Variants in NBEA observed in about 807,000 individuals in gnomAD.
NBEA encodes neurobeachin.
In NBEA, 44 loss-of-function variants were observed where a neutral mutation model predicts 343.4. The ratio of observed to expected loss-of-function variants is 0.13; its 90% CI spans 0.10 to 0.16. The LOEUF (loss-of-function observed/expected upper bound fraction) is 0.16, where lower values mean the gene tolerates loss of function less well. Ranked by LOEUF, NBEA falls within the 10% of genes least tolerant of loss-of-function variation. NBEA has a pLI of 1.00. For missense variants in NBEA, 2,555 were observed against 3,631.3 expected, an observed-to-expected ratio of 0.70 and a Z score of 7.62; for synonymous variants, 1,175 against 1,238.7, an observed-to-expected ratio of 0.95 and a Z score of 1.08.
intron 33 of NBEA, among the ~76,000 whole-genome samples, chr13:35,231,864 C>T (rs2074993592): frequency 6.6e-6 from 1 of 152,088 alleles, no homozygotes. Context: ...ATATTTTCCT[C>T]CTCCCCATTT....
chr13:35,276,871 T>C (rs774663883), intron 34 of NBEA, among the ~76,000 whole-genome samples: 4 of 152,244 alleles, frequency 2.6e-5, no homozygotes, highest in Non-Finnish European at 5.9e-5. Flanking sequence ...GTTTTTTTAA[T>C]TGAATTCTGA....
At chr13:35,010,749 T>A (rs1164945386) in intron 1 of NBEA, among the ~76,000 whole-genome samples, 1,199 of 12,146 alleles carry the variant, frequency 0.099, 61 homozygotes, top group African/African-American at 0.18. Context: ...AAAATATATA[T>A]ATATATATAT....
chr13:35,101,237 T>C (rs2065633270), intron 11 of NBEA, among the ~76,000 whole-genome samples: 1 of 151,974 alleles, frequency 6.6e-6, no homozygotes, highest in Non-Finnish European at 1.5e-5. Flanking sequence ...ATTTGCTGGG[T>C]CCTATGTTTA....
intron 41 of NBEA, among the ~76,000 whole-genome samples, chr13:35,493,112 G>C (rs1476670275): frequency 6.6e-6 from 1 of 151,850 alleles, no homozygotes; most frequent in Admixed American, 6.6e-5. Flanking sequence ...TAAGATTCTG[G>C]GTGGAGAGGG....
intron 41 of NBEA, chr13:35,477,355 CCT>C (rs1337130478): frequency 1.9e-5 from 3 of 154,324 alleles, no homozygotes; most frequent in African/African-American, 7.2e-5. Context: ...ATGTTCTACC[CCT>C]GTTTAAGTTA....
At chr13:35,590,915 A>G (rs1214471452) in intron 46 of NBEA, among the ~76,000 whole-genome samples, 1 of 152,074 alleles carries the variant, frequency 6.6e-6, no homozygotes, top group African/African-American at 2.4e-5. Flanking sequence ...TGTATTTAAC[A>G]CACATTTGTT....
intron 30 of NBEA, among the ~76,000 whole-genome samples, chr13:35,189,082 C>A (rs972580906): frequency 6.6e-6 from 1 of 151,662 alleles, no homozygotes; most frequent in Non-Finnish European, 1.5e-5. Context: ...CCATGCTGGG[C>A]TAATTTTTGT....
At chr13:34,991,885 G>A (rs1413385953) in intron 1 of NBEA, among the ~76,000 whole-genome samples, 1 of 150,712 alleles carries the variant, frequency 6.6e-6, no homozygotes, top group Non-Finnish European at 1.5e-5. Flanking sequence ...TTAAAAATGT[G>A]TTTATTTGAC....
Position 34,990,025 on chromosome 13 carries a change from T to C in NBEA, c.294+46911T>C, listed in dbSNP as rs1314835802. On this transcript the variant is annotated intron_variant, in intron 1 of 58. Transcript: ENST00000379939. ...CATGTCTCACATGCAAGCACACTGATGCAAGGGGTAGGCTCCCAAGACGTT... is the reference window on the plus strand; with the variant it reads ...CATGTCTCACATGCAAGCACACTGACGCAAGGGGTAGGCTCCCAAGACGTT... Among the ~76,000 whole-genome samples the C allele has an allele frequency of 2.0e-5, 3 of 151,184 alleles. No individual in the cohort carries two copies. The East Asian group carries it at 5.8e-4, about 29-fold the overall frequency.
At chr13:35,500,740 A>G (rs1330488256) in intron 41 of NBEA, among the ~76,000 whole-genome samples, 1 of 145,698 alleles carries the variant, frequency 6.9e-6, no homozygotes, top group African/African-American at 2.5e-5. Context: ...TGAAAACATA[A>G]TTGTTGGTTC....
chr13:35,481,540 A>G (rs564271502), intron 41 of NBEA, among the ~76,000 whole-genome samples: 27 of 151,904 alleles, frequency 1.8e-4, no homozygotes, highest in Non-Finnish European at 4.4e-5. Flanking sequence ...ACCTTTTCCA[A>G]ACATTTAAGG....
chr13:35,478,046 C>T (rs541392678), intron 41 of NBEA, among the ~76,000 whole-genome samples: 81 of 152,004 alleles, frequency 5.3e-4, no homozygotes, highest in Non-Finnish European at 7.8e-4. Context: ...GAATATTTCC[C>T]GTCAAATCCT....
At chr13:35,103,660 C>T (rs1196462495) in intron 11 of NBEA, among the ~76,000 whole-genome samples, 1 of 151,848 alleles carries the variant, frequency 6.6e-6, no homozygotes, top group East Asian at 1.9e-4. Flanking sequence ...ACTAAATTAT[C>T]CAAACTGATT....
At chr13:35,181,011 T>C (rs1272914500) in intron 28 of NBEA, among the ~76,000 whole-genome samples, 4 of 151,932 alleles carry the variant, frequency 2.6e-5, no homozygotes, top group Non-Finnish European at 5.9e-5. Flanking sequence ...CCATTACTTT[T>C]TGTGGCTGAG....
At chr13:35,326,132 GCT>G (rs982491485) in intron 36 of NBEA, among the ~76,000 whole-genome samples, 1 of 152,018 alleles carries the variant, frequency 6.6e-6, no homozygotes, top group Non-Finnish European at 1.5e-5. Flanking sequence ...GGCTGTTCAG[GCT>G]CTCTTTTAGT....
intron 48 of NBEA, among the ~76,000 whole-genome samples, chr13:35,625,034 A>G (rs529712767): frequency 2.0e-5 from 3 of 152,316 alleles, no homozygotes; most frequent in South Asian, 4.1e-4. Context: ...AAACAAAAAT[A>G]AGACTGGACC....
intron 48 of NBEA, among the ~76,000 whole-genome samples, chr13:35,617,120 G>A (rs760405351): frequency 2.0e-5 from 3 of 152,190 alleles, no homozygotes; most frequent in Non-Finnish European, 2.9e-5. Context: ...TCTCAGAAAT[G>A]AATAGTCCAT....
At chr13:35,355,176 A>G in intron 38 of NBEA, among the ~76,000 whole-genome samples, 1 of 137,442 alleles carries the variant, frequency 7.3e-6, no homozygotes, top group East Asian at 1.9e-4. Flanking sequence ...CATCATTCTC[A>G]CTTGACTTAT....
At chr13:35,433,976 C>T (rs1292293011) in intron 39 of NBEA, among the ~76,000 whole-genome samples, 3 of 151,994 alleles carry the variant, frequency 2.0e-5, no homozygotes, top group Non-Finnish European at 4.4e-5. Context: ...CAATTTGTAA[C>T]AGAGTTTATA....
Sources: gnomAD v4.1 joint callset for allele counts (sites outside exome capture counted in the v4.1 genomes callset) on GRCh38, gnomAD v4.1.1 for gene constraint, MANE v1.5 for transcripts, NCBI Gene and HGNC (gene_info 2026-07-23, HGNC 2026-07-21) for gene names.